Variants in CDKL3 observed in about 807,000 individuals in gnomAD.
CDKL3 encodes the protein cyclin dependent kinase like 3.
In CDKL3, 65 loss-of-function variants were observed where a neutral mutation model predicts 69.3. The ratio of observed to expected loss-of-function variants is 0.94; its 90% confidence interval spans 0.77 to 1.15. The LOEUF is 1.15. Among genes scored for constraint, CDKL3 ranks in the 50% most tolerant of loss-of-function variants. The pLI is 0.00. For synonymous variants in CDKL3, 202 were observed against 221.6 expected (o/e 0.91, Z 0.79); for missense variants, 652 against 689.2 (o/e 0.95, Z 0.61).
intron 4 of CDKL3, among the ~76,000 whole-genome samples, chr5:134,329,570 C>T (rs1004548659): frequency 9.2e-5 from 14 of 151,500 alleles, no homozygotes; most frequent in Admixed American, 2.6e-4. Flanking sequence ...CCTGGGTTGA[C>T]GCCATTCTCC....
chr5:134,299,493 T>A (rs1164887607), intron 12 of CDKL3: 2 of 1,225,878 alleles, frequency 1.6e-6, no homozygotes, highest in African/African-American at 3.1e-5. Flanking sequence ...TAAATTCATG[T>A]TCAAATTAAG....
intron 8 of CDKL3, among the ~76,000 whole-genome samples, chr5:134,291,000 T>C (rs1282670457): frequency 6.6e-6 from 1 of 152,058 alleles, no homozygotes; most frequent in East Asian, 1.9e-4. Context: ...GGGTATAAGG[T>C]GGTCAAATCC....
upstream of CDKL3, chr5:134,371,504 C>A (rs976049698): frequency 6.7e-7 from 1 of 1,485,696 alleles, no homozygotes; most frequent in Non-Finnish European, 9.0e-7. Flanking sequence ...GCGGCGGCGG[C>A]GATCCACAGT....
intron 5 of CDKL3, 77 bp from the exon 6 acceptor site, chr5:134,319,574 CTA>C: frequency 8.1e-7 from 1 of 1,237,544 alleles, no homozygotes; most frequent in Non-Finnish European, 1.1e-6. Context: ...GCTATGTCAT[CTA>C]TGTTAGATTA....
intron 3 of CDKL3, among the ~76,000 whole-genome samples, chr5:134,356,048 A>G (rs1754528968): frequency 6.6e-6 from 1 of 152,198 alleles, no homozygotes; most frequent in South Asian, 2.1e-4. Context: ...TTATTGTTAC[A>G]TTATACTATA....
chr5:134,371,447 CGTCATTGCAGG>C, upstream of CDKL3: 3 of 986,276 alleles, frequency 3.0e-6, no homozygotes, highest in Non-Finnish European at 4.5e-6. Flanking sequence ...CGGAGGGAGA[CGTCATTGCAGG>C]GTTGTTTGTC....
intron 9 of CDKL3, among the ~76,000 whole-genome samples, chr5:134,307,251 G>T (rs1364851619): frequency 6.6e-6 from 1 of 152,202 alleles, no homozygotes; most frequent in East Asian, 1.9e-4. Context: ...ACTCCTGCTG[G>T]CCTACTTGCT....
intron 4 of CDKL3, among the ~76,000 whole-genome samples, chr5:134,325,927 C>CTTT (rs10706943): frequency 3.1e-4 from 26 of 82,834 alleles, no homozygotes; most frequent in South Asian, 4.6e-4. Context: ...CCACGCCTGG[C>CTTT]TTTTTTTTTT....
chr5:134,294,870 C>T (rs188094442), downstream of CDKL3, among the ~76,000 whole-genome samples: 4 of 151,900 alleles, frequency 2.6e-5, no homozygotes. Context: ...GCATCAAAAA[C>T]CAAAATATAT....
upstream of CDKL3, chr5:134,371,156 C>A (rs1049637622): frequency 3.7e-6 from 1 of 268,902 alleles, no homozygotes; most frequent in African/African-American, 2.4e-5. Context: ...CACCTCCTTT[C>A]CCTGAAATCT....
intron 4 of CDKL3, among the ~76,000 whole-genome samples, chr5:134,332,206 T>C (rs79040798): frequency 3.3e-5 from 5 of 152,224 alleles, no homozygotes; most frequent in Non-Finnish European, 5.9e-5. Flanking sequence ...CTTTGTCAGA[T>C]AGATAGATTG....
At chr5:134,367,759 GAAAA>G (rs1352176051), upstream of CDKL3, among the ~76,000 whole-genome samples, 1 of 151,878 alleles carries the variant, frequency 6.6e-6, no homozygotes, top group African/African-American at 2.4e-5. Context: ...CTTTTTTAAA[GAAAA>G]AAAACCTCCC....
chr5:134,343,250 C>T (rs957762727), intron 4 of CDKL3, among the ~76,000 whole-genome samples: 3 of 151,884 alleles, frequency 2.0e-5, no homozygotes, highest in Non-Finnish European at 2.9e-5. Context: ...AAAGGACAGC[C>T]TTACAGATCA....
intron 12 of CDKL3, among the ~76,000 whole-genome samples, chr5:134,301,694 A>T (rs1766378984): frequency 6.6e-6 from 1 of 152,094 alleles, no homozygotes; most frequent in Non-Finnish European, 1.5e-5. Flanking sequence ...ATCCTGGCTA[A>T]CACAGTGAAA....
chr5:134,297,618 G>A (rs940457852), downstream of CDKL3, among the ~76,000 whole-genome samples: 2 of 146,678 alleles, frequency 1.4e-5, no homozygotes, highest in Admixed American at 1.4e-4. Flanking sequence ...TTTCACTCTC[G>A]TTGCCCAGGC....
chr5:134,297,024 T>G (rs1765393374), downstream of CDKL3, among the ~76,000 whole-genome samples: 1 of 148,332 alleles, frequency 6.7e-6, no homozygotes, highest in Admixed American at 6.8e-5. Flanking sequence ...CCCATCCAGC[T>G]CACTGCAACC....
At chr5:134,335,907 G>A (rs1015717901) in intron 4 of CDKL3, among the ~76,000 whole-genome samples, 3 of 152,164 alleles carry the variant, frequency 2.0e-5, no homozygotes, top group African/African-American at 7.2e-5. Context: ...GTAATATCCT[G>A]AAGAGTGTTT....
upstream of CDKL3, among the ~76,000 whole-genome samples, chr5:134,368,470 T>A (rs533075287): frequency 6.6e-6 from 1 of 151,704 alleles, no homozygotes; most frequent in African/African-American, 2.4e-5. Context: ...ATAGAAAAAA[T>A]TAGCTGGGCG....
At chr5:134,306,487 A>C in intron 10 of CDKL3, 122 bp downstream of exon 10, 1 of 638,740 alleles carries the variant, frequency 1.6e-6, no homozygotes, top group Non-Finnish European at 2.8e-6. Context: ...ACAGAGAGAG[A>C]TCCTCTCTCA....
Sources: gnomAD v4.1 joint callset for allele counts (sites outside exome capture counted in the v4.1 genomes callset) on GRCh38, gnomAD v4.1.1 for gene constraint, MANE v1.5 for transcripts, NCBI Gene and HGNC (gene_info 2026-07-23, HGNC 2026-07-21) for gene names.